The following RMDN2 variants were observed in gnomAD, a reference collection of about 807,000 sequenced individuals.
The protein encoded by RMDN2 is regulator of microtubule dynamics protein 2.
RMDN2 carries 61 observed loss-of-function variants against 52.8 expected under a neutral mutation model. That is an observed-to-expected ratio of 1.16 (90% CI 0.94 to 1.43). The LOEUF is 1.43. RMDN2 is among the 40% of genes most tolerant of loss of function. The pLI is 0.00. For missense variants in RMDN2, 592 were observed against 475.3 expected, an observed-to-expected ratio of 1.25 and a Z score of -2.28; for synonymous variants, 180 against 153.1, an observed-to-expected ratio of 1.18 and a Z score of -1.30.
intron 7 of RMDN2, among the ~76,000 whole-genome samples, chr2:37,992,316 G>A (rs777637173): frequency 6.6e-6 from 1 of 152,184 alleles, no homozygotes; most frequent in Non-Finnish European, 1.5e-5. Flanking sequence ...AAGGAAAAAG[G>A]AGTAAAGGTA....
chr2:38,028,432 G>C lies in RMDN2; in HGVS notation c.1713+24216G>C, dbSNP rs233623. 9.5e-3 allele frequency among the ~76,000 whole-genome samples: 1,447 copies of C among 152,140 alleles called. 16 individuals carry two copies. The highest frequency in any genetic ancestry group is 0.03 in the African/African-American group (1,242 of 41,486). On this transcript the variant is annotated intron_variant, in intron 10 of 10. Transcript: ENST00000234195. ...ATTAATTTTAATGTTATTTTCTATTGAAAGGATAGAGGATGAAATATTGTT... is the reference window on the plus strand; with the variant it reads ...ATTAATTTTAATGTTATTTTCTATTCAAAGGATAGAGGATGAAATATTGTT...
chr2:37,967,258 TAAAC>T (rs750119677), intron 2 of RMDN2, among the ~76,000 whole-genome samples: 5 of 152,338 alleles, frequency 3.3e-5, no homozygotes, highest in South Asian at 2.1e-4. Context: ...AAATTAAAGT[TAAAC>T]AAACTTTCCA....
chr2:38,040,036 G>A lies in RMDN2; in HGVS notation c.1714-26946G>A, dbSNP rs568311433. ...TGTTTTTGAACAGTATAAGGCCTGT[G>A]TCTAGATTCATTATTATTATTATTA... On this transcript the variant is annotated intron_variant, in intron 10 of 10. Transcript: ENST00000234195. 4.1e-4 allele frequency among the ~76,000 whole-genome samples: 53 copies of A among 127,740 alleles called. No homozygotes were observed. In the Admixed American group the frequency reaches 4.2e-3, roughly 10 times the overall value. The allele number at this position is 127,740 out of a possible 152,430, so 83.8% of individuals were successfully genotyped here.
At chr2:38,001,417 C>A (rs1479302036) in intron 8 of RMDN2, among the ~76,000 whole-genome samples, 4 of 152,148 alleles carry the variant, frequency 2.6e-5, no homozygotes, top group African/African-American at 9.7e-5. Flanking sequence ...TGTAATTCAT[C>A]CAAGTCCTTT....
At chr2:38,010,111 G>C (rs1340672008) in intron 10 of RMDN2, among the ~76,000 whole-genome samples, 2 of 152,194 alleles carry the variant, frequency 1.3e-5, no homozygotes, top group African/African-American at 4.8e-5. Context: ...TGAGGTGTCA[G>C]TCTGCCCTTG....
intron 10 of RMDN2, among the ~76,000 whole-genome samples, chr2:38,035,112 A>G (rs1301268269): frequency 6.6e-6 from 1 of 152,202 alleles, no homozygotes; most frequent in Non-Finnish European, 1.5e-5. Flanking sequence ...AGAACGAACT[A>G]CAAAACATTC....
At chr2:37,936,498 A>G (rs777335541) in intron 2 of RMDN2, among the ~76,000 whole-genome samples, 4 of 152,220 alleles carry the variant, frequency 2.6e-5, no homozygotes, top group Non-Finnish European at 4.4e-5. Flanking sequence ...AAACTAATTT[A>G]CACTCCCACC....
Position 37,991,334 on chromosome 2 carries a change from A to T in RMDN2, c.945+37A>T, listed in dbSNP as rs920119838. ...GCCTTTATTTATAAACTTTATTTGAATATACTATGATTATAGGATAAATTT... is the reference window on the plus strand; with the variant it reads ...GCCTTTATTTATAAACTTTATTTGATTATACTATGATTATAGGATAAATTT... On this transcript the variant is annotated intron_variant, in intron 7 of 10. Transcript: ENST00000354545. 5.9e-6 allele frequency: 6 copies of T among 1,020,828 alleles called. No individual in the cohort carries two copies. The Admixed American group carries it at 1.5e-4, about 26-fold the overall frequency. 63.2% of individuals were successfully genotyped at this position (1,020,828 alleles called of 1,614,324 possible).
At chr2:37,980,865 G>C (rs1250678215) in intron 4 of RMDN2, among the ~76,000 whole-genome samples, 2 of 151,890 alleles carry the variant, frequency 1.3e-5, no homozygotes, top group Non-Finnish European at 2.9e-5. Context: ...GCTCTTGGAG[G>C]TCAAGGACTC....
At chr2:38,010,365 C>T (rs904429368) in intron 10 of RMDN2, among the ~76,000 whole-genome samples, 5 of 152,196 alleles carry the variant, frequency 3.3e-5, no homozygotes, top group Non-Finnish European at 5.9e-5. Flanking sequence ...CCACCTAATT[C>T]GAGCTTCCTG....
intron 2 of RMDN2, chr2:37,951,254 C>A: frequency 1.3e-6 from 2 of 1,596,246 alleles, no homozygotes; most frequent in Non-Finnish European, 1.7e-6. Flanking sequence ...AGGACCAGAG[C>A]TTCCAACGAT....
chr2:37,971,757 T>C (rs1418017411), intron 2 of RMDN2, among the ~76,000 whole-genome samples: 1 of 152,174 alleles, frequency 6.6e-6, no homozygotes, highest in Non-Finnish European at 1.5e-5. Context: ...TATAGCTTCA[T>C]AGTAGGTCCT....
intron 2 of RMDN2, among the ~76,000 whole-genome samples, chr2:37,959,782 C>A (rs755660245): frequency 2.0e-5 from 3 of 150,906 alleles, no homozygotes; most frequent in Non-Finnish European, 4.4e-5. Flanking sequence ...CTCCTGTAGG[C>A]ATTTAGTGCT....
chr2:37,948,783 C>T (rs573468559), intron 2 of RMDN2, among the ~76,000 whole-genome samples: 11 of 152,240 alleles, frequency 7.2e-5, no homozygotes, highest in African/African-American at 2.4e-4. Context: ...ACCTAAACAC[C>T]GTTTTTTGTG....
chr2:37,954,552 C>G (rs1304582144), intron 2 of RMDN2, among the ~76,000 whole-genome samples: 1 of 151,992 alleles, frequency 6.6e-6, no homozygotes, highest in Non-Finnish European at 1.5e-5. Flanking sequence ...CTTTCACCAG[C>G]CTATACATCT....
At chr2:38,029,013 C>G (rs1288194534) in intron 10 of RMDN2, among the ~76,000 whole-genome samples, 1 of 152,116 alleles carries the variant, frequency 6.6e-6, no homozygotes, top group Non-Finnish European at 1.5e-5. Flanking sequence ...GAACAGGAGA[C>G]TGGGCGGGCA....
At chr2:38,003,585 T>TAGATAGATAGAC (rs1558537138) in intron 8 of RMDN2, among the ~76,000 whole-genome samples, 1 of 151,574 alleles carries the variant, frequency 6.6e-6, no homozygotes, top group Non-Finnish European at 1.5e-5. Flanking sequence ...GATAGATAGA[T>TAGATAGATAGAC]AGATAGATAG....
intron 1 of RMDN2, among the ~76,000 whole-genome samples, chr2:37,926,242 GGTGAAAGCATTATAATTAATTTA>G (rs1273614281): frequency 9.9e-5 from 15 of 152,116 alleles, no homozygotes; most frequent in Admixed American, 8.5e-4. Context: ...CTAGATTTAT[GGTGAAAGCATTATAATTAATTTA>G]GTAAAGCATA....
At position 38,030,466 on chromosome 2, in the gene RMDN2, C is replaced by G. The variant is rs544399708; in HGVS notation, c.1713+26250C>G. 2.0e-5 allele frequency: 3 copies of G among 152,240 alleles called. No homozygotes were observed. In the South Asian group the frequency reaches 6.2e-4, roughly 32 times the overall value. 9.4% of individuals were successfully genotyped at this position (152,240 alleles called of 1,614,324 possible). A position where few individuals can be genotyped will look rare whatever the true frequency, so the allele number is the denominator to read the frequency against. ...TTTAGTGCAGTCACAGAGGATCATT[C>G]TTAACAACCTGTTAAGAGAATTGGA... On this transcript the variant is annotated intron_variant, in intron 10 of 10. Transcript: ENST00000234195.
Sources: gnomAD v4.1 joint callset for allele counts (sites outside exome capture counted in the v4.1 genomes callset) on GRCh38, gnomAD v4.1.1 for gene constraint, MANE v1.5 for transcripts, NCBI Gene and HGNC (gene_info 2026-07-23, HGNC 2026-07-21) for gene names.